Variants in OPCML observed in about 807,000 individuals in gnomAD.
OPCML encodes opioid-binding protein/cell adhesion molecule.
In OPCML, 13 loss-of-function variants were observed where a neutral mutation model predicts 37.8. The observed-to-expected ratio is 0.34, with a 90% confidence interval of 0.22 to 0.55. OPCML has a LOEUF of 0.55. Among genes scored for constraint, OPCML ranks in the 20% least tolerant of loss-of-function variants. The pLI is 0.91. For synonymous variants in OPCML, 176 were observed against 168.8 expected (o/e 1.04, Z -0.33); for missense variants, 341 against 435.6 (o/e 0.78, Z 1.93).
intron 4 of OPCML, among the ~76,000 whole-genome samples, chr11:132,484,577 C>A (rs559215286): frequency 0.012 from 1,844 of 152,226 alleles, 42 homozygotes; most frequent in African/African-American, 0.042. Context: ...GGTATATACC[C>A]AAAGGACTAT....
intron 2 of OPCML, among the ~76,000 whole-genome samples, chr11:132,699,186 A>T (rs1465568472): frequency 6.6e-6 from 1 of 151,980 alleles, no homozygotes; most frequent in African/African-American, 2.4e-5. Context: ...AATGCAACTG[A>T]TATTTGTATG....
chr11:133,009,136 T>C (rs780194142), intron 1 of OPCML: 6 of 985,200 alleles, frequency 6.1e-6, no homozygotes, highest in Non-Finnish European at 7.2e-6. Flanking sequence ...AGAACACTGA[T>C]TTAGATTAGG....
At chr11:132,858,877 G>A (rs945211486) in intron 2 of OPCML, among the ~76,000 whole-genome samples, 2 of 152,136 alleles carry the variant, frequency 1.3e-5, no homozygotes, top group East Asian at 1.9e-4. Context: ...ATGAGGTAAC[G>A]CAGCAGAAAT....
At chr11:133,446,027 G>C (rs867953717) in intron 1 of OPCML, among the ~76,000 whole-genome samples, 1 of 152,138 alleles carries the variant, frequency 6.6e-6, no homozygotes, top group Non-Finnish European at 1.5e-5. Flanking sequence ...CCCTGGGATA[G>C]GATAAAGATT....
intron 1 of OPCML, among the ~76,000 whole-genome samples, chr11:133,328,385 T>C (rs1037552601): frequency 1.3e-5 from 2 of 152,144 alleles, no homozygotes; most frequent in South Asian, 4.1e-4. Flanking sequence ...CTCGAACTCC[T>C]GACCTCAGGT....
chr11:132,534,938 C>A, intron 3 of OPCML, among the ~76,000 whole-genome samples: 1 of 151,604 alleles, frequency 6.6e-6, no homozygotes, highest in African/African-American at 2.4e-5. Flanking sequence ...TGCTCATTTC[C>A]TAAATCTTAG....
chr11:132,519,216 G>C (rs556544141), intron 4 of OPCML, among the ~76,000 whole-genome samples: 1 of 152,262 alleles, frequency 6.6e-6, no homozygotes, highest in Non-Finnish European at 1.5e-5. Flanking sequence ...AGAACCCTAG[G>C]TAATTACTAC....
intron 4 of OPCML, among the ~76,000 whole-genome samples, chr11:132,450,859 A>G (rs2096066734): frequency 6.6e-6 from 1 of 152,142 alleles, no homozygotes. Flanking sequence ...TTCTGTCATT[A>G]GTTAAAATAA....
At chr11:133,375,340 T>G (rs1004614565) in intron 1 of OPCML, among the ~76,000 whole-genome samples, 6 of 152,230 alleles carry the variant, frequency 3.9e-5, no homozygotes, top group Non-Finnish European at 7.3e-5. Context: ...GGATTCATCT[T>G]TGCTTTCTCC....
intron 1 of OPCML, among the ~76,000 whole-genome samples, chr11:133,293,979 G>T (rs933577682): frequency 6.6e-6 from 1 of 150,828 alleles, no homozygotes; most frequent in Non-Finnish European, 1.5e-5. Flanking sequence ...TATTGGAGCA[G>T]GTCTTTCACT....
chr11:133,304,743 C>T (rs1248011897), intron 1 of OPCML, among the ~76,000 whole-genome samples: 1 of 152,152 alleles, frequency 6.6e-6, no homozygotes, highest in East Asian at 1.9e-4. Flanking sequence ...CAAATGTTGC[C>T]ATGGAAAGTA....
intron 2 of OPCML, among the ~76,000 whole-genome samples, chr11:132,804,931 A>G (rs558374377): frequency 3.9e-5 from 6 of 152,362 alleles, no homozygotes; most frequent in Admixed American, 1.3e-4. Flanking sequence ...AAATCCACCA[A>G]TAGACACTGA....
At chr11:132,884,389 T>C (rs181678193) in intron 2 of OPCML, among the ~76,000 whole-genome samples, 48 of 152,242 alleles carry the variant, frequency 3.2e-4, no homozygotes, top group Non-Finnish European at 2.9e-5. Context: ...CTGTGGTGGA[T>C]AGAAGTGTGT....
chr11:133,170,396 G>A (rs547737746), intron 1 of OPCML, among the ~76,000 whole-genome samples: 1 of 152,228 alleles, frequency 6.6e-6, no homozygotes, highest in Admixed American at 6.5e-5. Flanking sequence ...TGAGGCAGGA[G>A]AATGGCGTGA....
intron 4 of OPCML, among the ~76,000 whole-genome samples, chr11:132,461,680 G>A (rs188443139): frequency 5.9e-5 from 9 of 152,210 alleles, no homozygotes; most frequent in East Asian, 1.9e-4. Flanking sequence ...AGACATACTC[G>A]AGACTGGATA....
intron 3 of OPCML, among the ~76,000 whole-genome samples, chr11:132,600,712 A>G (rs1364502133): frequency 1.4e-5 from 2 of 147,790 alleles, no homozygotes; most frequent in African/African-American, 5.2e-5. Context: ...GAGTAGATAA[A>G]TACCCAGGTT....
intron 3 of OPCML, among the ~76,000 whole-genome samples, chr11:132,614,805 T>C (rs1018341987): frequency 1.3e-5 from 2 of 152,204 alleles, no homozygotes; most frequent in African/African-American, 4.8e-5. Context: ...TTCAGACATA[T>C]AGAAACAATT....
chr11:133,169,569 T>C (rs1397622825), intron 1 of OPCML, among the ~76,000 whole-genome samples: 1 of 152,178 alleles, frequency 6.6e-6, no homozygotes, highest in African/African-American at 2.4e-5. Flanking sequence ...AATACACATA[T>C]GTATTAGGTT....
intron 1 of OPCML, among the ~76,000 whole-genome samples, chr11:133,366,866 G>C (rs1944551414): frequency 6.6e-6 from 1 of 152,218 alleles, no homozygotes; most frequent in Non-Finnish European, 1.5e-5. Flanking sequence ...CTAACACTCA[G>C]GAGGCACCAA....
Sources: allele counts gnomAD v4.1 joint callset (sites outside exome capture counted in the v4.1 genomes callset), GRCh38; gene constraint gnomAD v4.1.1; transcripts MANE v1.5; gene names NCBI Gene and HGNC (gene_info 2026-07-23, HGNC 2026-07-21).